Variants in ATXN10 observed in about 807,000 individuals in gnomAD.
ATXN10 encodes ataxin 10, also known as ataxin-10.
A neutral mutation model predicts 52.9 loss-of-function variants in ATXN10; 28 were observed. The ratio of observed to expected loss-of-function variants is 0.53; its 90% CI spans 0.39 to 0.73. The LOEUF is 0.73. Ranked by LOEUF, ATXN10 falls within the 30% of genes least tolerant of loss-of-function variation. ATXN10 has a pLI of 0.00. For synonymous variants in ATXN10, 226 were observed against 221.5 expected, an observed-to-expected ratio of 1.02 and a Z score of -0.18; for missense variants, 565 against 577.0, an observed-to-expected ratio of 0.98 and a Z score of 0.21.
chr22:45,767,120 A>T (rs9626441), intron 9 of ATXN10, among the ~76,000 whole-genome samples: 5,721 of 152,118 alleles, frequency 0.038, 385 homozygotes, highest in African/African-American at 0.13. Flanking sequence ...TGCTTTTAGG[A>T]CTCTATACTA....
chr22:45,802,217 A>G (rs1352309172), intron 9 of ATXN10, among the ~76,000 whole-genome samples: 1 of 152,222 alleles, frequency 6.6e-6, no homozygotes, highest in African/African-American at 2.4e-5. Context: ...ACCACGGGAA[A>G]GTGTTGACTG....
Position 45,790,381 on chromosome 22 carries a change from C to T in ATXN10, c.1174-16578C>T, listed in dbSNP as rs1031967543. On this transcript the variant is annotated intron_variant, in intron 9 of 11. Transcript: ENST00000252934. The surrounding 1 kb of genome is among the most constrained non-coding windows in gnomAD (Gnocchi z 4.7). ...CGAGATTATCAAAACATTGCCCCCC[C>T]GCCGCCCCACACATACACCAGAGTT... Among the ~76,000 whole-genome samples the T allele has an allele frequency of 4.6e-5, 7 of 152,214 alleles. No individual in the cohort carries two copies. The highest frequency in any genetic ancestry group is 4.2e-4 in the South Asian group (2 of 4,816).
intron 1 of ATXN10, chr22:45,689,499 A>G: frequency 1.7e-6 from 1 of 591,052 alleles, no homozygotes; most frequent in Non-Finnish European, 3.0e-6. Context: ...GCAGAGACTG[A>G]GATAATACAT....
intron 9 of ATXN10, among the ~76,000 whole-genome samples, chr22:45,798,880 G>A (rs1367601985): frequency 2.6e-5 from 4 of 152,112 alleles, no homozygotes; most frequent in Non-Finnish European, 5.9e-5. Flanking sequence ...ACATACAATA[G>A]CATCATAAAA....
chr22:45,834,833 C>T (rs146325476), intron 10 of ATXN10, among the ~76,000 whole-genome samples: 84 of 152,306 alleles, frequency 5.5e-4, no homozygotes, highest in African/African-American at 2.0e-3. Context: ...CTCTGCTAAC[C>T]ATGCTGCATA....
Position 45,698,832 on chromosome 22 carries a change from G to A in ATXN10, c.392-1450G>A, listed in dbSNP as rs1196900905. Among the ~76,000 whole-genome samples, 3 of 152,066 alleles carry A rather than the reference G, an allele frequency of 2.0e-5. No homozygotes were observed. In the East Asian group the frequency reaches 5.8e-4, roughly 29 times the overall value. The stretch of plus-strand genomic sequence containing the variant: ...CAGTGAAACTTAGAAAAAATTTTAT[G>A]GTGTGTTAGTTCAAACCTAATACAA... On this transcript the variant is annotated intron_variant, in intron 3 of 11. Transcript: ENST00000252934.
intron 1 of ATXN10, among the ~76,000 whole-genome samples, chr22:45,687,336 C>G (rs186559458): frequency 6.6e-6 from 1 of 152,208 alleles, no homozygotes; most frequent in East Asian, 1.9e-4. Context: ...AAAGCTTTTG[C>G]TGTGCTAGAT....
rs1180224405 is a variant in ATXN10, at chr22:45,787,804, G to A, written c.1174-19155G>A. ...GAAGTTACCCTGAAAAACAATCAGC[G>A]GGCAAATAATTTGATGATCACTGTA... On this transcript the variant is annotated intron_variant, in intron 9 of 11. Coordinates refer to ENST00000252934, the MANE Select transcript of ATXN10 (RefSeq NM_013236.4). The surrounding 1 kb of genome is among the most constrained non-coding windows in gnomAD (Gnocchi z 4.2). 6.6e-6 allele frequency among the ~76,000 whole-genome samples: 1 copy of A among 152,098 alleles called. No individual in the cohort carries two copies. The highest frequency in any genetic ancestry group is 6.6e-5 in the Admixed American group (1 of 15,262).
intron 9 of ATXN10, among the ~76,000 whole-genome samples, chr22:45,761,042 CATT>C (rs1304177583): frequency 6.6e-6 from 1 of 152,146 alleles, no homozygotes; most frequent in African/African-American, 2.4e-5. Flanking sequence ...TATTCTGTTT[CATT>C]ATTGTTGTTT....
At position 45,762,394 on chromosome 22, in the gene ATXN10, A is replaced by G. The variant is rs1279650039; in HGVS notation, c.1173+21856A>G. 6.6e-6 allele frequency among the ~76,000 whole-genome samples: 1 copy of G among 152,184 alleles called. No homozygotes were observed. The highest frequency in any genetic ancestry group is 2.4e-5 in the African/African-American group (1 of 41,448). On this transcript the variant is annotated intron_variant, in intron 9 of 11. Transcript: ENST00000252934. The surrounding 1 kb of genome is among the most constrained non-coding windows in gnomAD (Gnocchi z 4.3). ...TCTTTGTTATGATAGATAGCAGATA[A>G]AGCAGTTGATTTCAGTCAGAAGCAG...
In ATXN10 at chr22:45,715,265, T is replaced by C. The variant is rs1924401637; in HGVS notation, c.648-3148T>C. 7.1e-6 allele frequency among the ~76,000 whole-genome samples: 1 copy of C among 141,182 alleles called. No homozygotes were observed. The highest frequency in any genetic ancestry group is 2.5e-5 in the African/African-American group (1 of 40,718). The allele number at this position is 141,182 out of a possible 152,430, so 92.6% of individuals were successfully genotyped here. A position where few individuals can be genotyped will look rare whatever the true frequency, so the allele number is the denominator to read the frequency against. ...TGTTTATATATATTGTCTGGTTTTA[T>C]GTTGTTTAAGGTAGGGGGTAAATTG... On this transcript the variant is annotated intron_variant, in intron 5 of 11. Coordinates refer to ENST00000252934, the MANE Select transcript of ATXN10 (RefSeq NM_013236.4). The surrounding 1 kb of genome is among the most constrained non-coding windows in gnomAD (Gnocchi z 4.4).
In ATXN10 at chr22:45,826,748, GT is replaced by G. The variant is rs1324644503; in HGVS notation, c.1238-16240del. ...TCACAGACGAACAAAAGCTGATGGAGTTTGTTACCACTAGACCTGCCTTGTA... is the reference window on the plus strand; with the variant it reads ...TCACAGACGAACAAAAGCTGATGGAGTTGTTACCACTAGACCTGCCTTGTA... On this transcript the variant is annotated intron_variant, in intron 10 of 11. Transcript: ENST00000252934. This position sits in a 1 kb window ranked among gnomAD's most constrained non-coding sequence, Gnocchi z 5.0. Among the ~76,000 whole-genome samples the G allele has an allele frequency of 6.6e-6, 1 of 152,204 alleles. No homozygotes were observed. Among genetic ancestry groups the G allele is most frequent in the Non-Finnish European group, 1.5e-5 (1 of 68,022 alleles).
intron 10 of ATXN10, among the ~76,000 whole-genome samples, chr22:45,822,569 C>T (rs1277552441): frequency 8.1e-6 from 1 of 123,646 alleles, no homozygotes; most frequent in African/African-American, 3.2e-5. Context: ...CTTGCTCTGT[C>T]ACCCAGGCTG....
intron 9 of ATXN10, chr22:45,792,712 T>G (rs2146866827): frequency 2.6e-6 from 1 of 382,962 alleles, no homozygotes; most frequent in Non-Finnish European, 5.3e-6. Flanking sequence ...ATTGCTTTAA[T>G]TCAGTCTTTT....
chr22:45,733,507 G>T lies in ATXN10; in HGVS notation c.894+3917G>T, dbSNP rs1925166470. Among the ~76,000 whole-genome samples the T allele has an allele frequency of 6.6e-6, 1 of 152,080 alleles. No homozygotes were observed. The highest frequency in any genetic ancestry group is 2.1e-4 in the South Asian group (1 of 4,816). On this transcript the variant is annotated intron_variant, in intron 7 of 11. Coordinates refer to ENST00000252934, the MANE Select transcript of ATXN10 (RefSeq NM_013236.4). The surrounding 1 kb of genome is among the most constrained non-coding windows in gnomAD (Gnocchi z 4.4). Reference sequence around the variant, plus strand: ...CCCAGCACTTTAGGAGGTCGAGGTGGGCAGATTGCCTGAGGTCAGGAGTTT... The same window carrying T: ...CCCAGCACTTTAGGAGGTCGAGGTGTGCAGATTGCCTGAGGTCAGGAGTTT...
At position 45,739,053 on chromosome 22, in the gene ATXN10, G is replaced by A. The variant is rs138170; in HGVS notation, c.1003+214G>A. ...TTCAGCCACTTCCCTTCTGTTAACT[G>A]AAGATTCCTTCTCAGTAATGTGAGG... On this transcript the variant is annotated intron_variant, in intron 8 of 11. Coordinates refer to ENST00000252934, the MANE Select transcript of ATXN10 (RefSeq NM_013236.4). Among the ~76,000 whole-genome samples the A allele has an allele frequency of 0.22, 33,245 of 152,158 alleles. 4,124 individuals are homozygous for A. Among genetic ancestry groups the A allele is most frequent in the African/African-American group, 0.35 (14,684 of 41,480 alleles).
At chr22:45,810,101 G>A (rs1246043060) in intron 10 of ATXN10, among the ~76,000 whole-genome samples, 2 of 152,158 alleles carry the variant, frequency 1.3e-5, no homozygotes, top group Admixed American at 6.5e-5. Flanking sequence ...TTTGGTGTAC[G>A]GAGTGTGTTA....
At chr22:45,832,584 G>A (rs1929029336) in intron 10 of ATXN10, among the ~76,000 whole-genome samples, 1 of 152,240 alleles carries the variant, frequency 6.6e-6, no homozygotes, top group African/African-American at 2.4e-5. Flanking sequence ...GGCAGGGACT[G>A]GACTATCCTG....
chr22:45,820,156 T>G lies in ATXN10; in HGVS notation c.1237+13134T>G, dbSNP rs1394980251. 6.6e-6 allele frequency among the ~76,000 whole-genome samples: 1 copy of G among 152,214 alleles called. No individual in the cohort carries two copies. The highest frequency in any genetic ancestry group is 1.5e-5 in the Non-Finnish European group (1 of 68,030). On this transcript the variant is annotated intron_variant, in intron 10 of 11. Transcript: ENST00000252934. This position sits in a 1 kb window ranked among gnomAD's most constrained non-coding sequence, Gnocchi z 4.9. ...AATACATTAAAAAGCAAAAACGTATTGGGCCTGTTGGATTCTGTGAAGGGT... is the reference window on the plus strand; with the variant it reads ...AATACATTAAAAAGCAAAAACGTATGGGGCCTGTTGGATTCTGTGAAGGGT...
Sources: gnomAD v4.1 joint callset for allele counts (sites outside exome capture counted in the v4.1 genomes callset) on GRCh38, gnomAD v4.1.1 for gene constraint, Gnocchi (gnomAD v3.1) non-coding constraint, MANE v1.5 for transcripts, NCBI Gene and HGNC (gene_info 2026-07-23, HGNC 2026-07-21) for gene names.